Variants in GSAP observed in about 807,000 individuals in gnomAD.
The protein encoded by GSAP is gamma-secretase activating protein.
A neutral mutation model predicts 131.7 loss-of-function variants in GSAP; 118 were observed. The observed-to-expected ratio is 0.90, with a 90% CI of 0.77 to 1.04. The LOEUF (loss-of-function observed/expected upper bound fraction) is 1.04, where lower values mean the gene tolerates loss of function less well. Among genes scored for constraint, GSAP ranks in the 50% least tolerant of loss-of-function variants. The probability of loss-of-function intolerance (pLI) is 0.00; values close to 1 mark genes in which losing one functional copy is unlikely to be tolerated. For missense variants in GSAP, 1,019 were observed against 1,013.2 expected (o/e 1.01, Z -0.08); for synonymous variants, 381 against 363.4 (o/e 1.05, Z -0.55).
chr7:77,380,842 C>T (rs1797690828), intron 8 of GSAP, among the ~76,000 whole-genome samples: 1 of 152,082 alleles, frequency 6.6e-6, no homozygotes, highest in Non-Finnish European at 1.5e-5. Context: ...CATATACGTA[C>T]ATATGAAAAT....
chr7:77,399,296 G>C (rs953085203), intron 3 of GSAP, among the ~76,000 whole-genome samples: 3 of 152,174 alleles, frequency 2.0e-5, no homozygotes, highest in African/African-American at 7.2e-5. Flanking sequence ...GTATTGGCTT[G>C]ATCCAGAGCT....
At chr7:77,384,571 T>C (rs1483462621) in intron 6 of GSAP, among the ~76,000 whole-genome samples, 2 of 152,182 alleles carry the variant, frequency 1.3e-5, no homozygotes, top group Non-Finnish European at 1.5e-5. Flanking sequence ...TGGAGGTCTG[T>C]AGTCTCGGTG....
chr7:77,321,548 A>G, intron 24 of GSAP, 145 bp from the exon 25 acceptor site: 1 of 628,126 alleles, frequency 1.6e-6, no homozygotes, highest in African/African-American at 1.9e-5. Flanking sequence ...TTCTGAGGTC[A>G]ATTCTGAAGC....
chr7:77,330,142 G>A (rs1358414079), intron 20 of GSAP, 97 bp downstream of exon 20: 6 of 1,394,800 alleles, frequency 4.3e-6, no homozygotes, highest in Non-Finnish European at 5.8e-6. Flanking sequence ...TGGGAAGAGT[G>A]CTGCACATGG....
chr7:77,314,596 C>T, intron 26 of GSAP, 107 bp from the exon 27 acceptor site: 1 of 1,207,158 alleles, frequency 8.3e-7, no homozygotes, highest in Non-Finnish European at 1.2e-6. Flanking sequence ...GTGCTTGGTG[C>T]CTGGAACCAA....
At chr7:77,398,448 T>C (rs922114900) in intron 3 of GSAP, among the ~76,000 whole-genome samples, 1 of 152,192 alleles carries the variant, frequency 6.6e-6, no homozygotes, top group Non-Finnish European at 1.5e-5. Flanking sequence ...TTCTAAATTA[T>C]TACTAAGAAG....
At chr7:77,398,119 A>G (rs1486387171) in intron 3 of GSAP, among the ~76,000 whole-genome samples, 1 of 152,222 alleles carries the variant, frequency 6.6e-6, no homozygotes, top group Non-Finnish European at 1.5e-5. Flanking sequence ...CAGTTCTATT[A>G]GGCAGGCTCT....
chr7:77,382,854 T>G (rs191198917), intron 6 of GSAP, among the ~76,000 whole-genome samples: 1 of 152,080 alleles, frequency 6.6e-6, no homozygotes, highest in African/African-American at 2.4e-5. Context: ...CAGAGGGGAA[T>G]TGATCTCAAA....
At chr7:77,342,259 T>C (rs1791077090) in intron 19 of GSAP, among the ~76,000 whole-genome samples, 1 of 152,188 alleles carries the variant, frequency 6.6e-6, no homozygotes, top group Admixed American at 6.5e-5. Flanking sequence ...TGCCCCCTTC[T>C]TAATCAATAC....
rs1234685328 is a variant in GSAP, at chr7:77,396,982, CTGGT to C, written c.363_366del (p.Pro122AspfsTer5). On this transcript the variant is annotated frameshift_variant and splice_region_variant, in exon 5 of 31. Transcript: ENST00000257626. LOFTEE classifies it high-confidence loss of function. ...GTACTAAAAAGTGTAATTTCATTAC[CTGGT>C]TGAAGTTCGTTCCTTTTTCCTTCTT... is the stretch of plus-strand genomic sequence containing the variant. The C allele has an allele frequency of 1.0e-5, 16 of 1,580,828 alleles. No homozygotes were observed. Among genetic ancestry groups the C allele is most frequent in the Non-Finnish European group, 1.4e-5 (16 of 1,153,810 alleles).
intron 1 of GSAP, among the ~76,000 whole-genome samples, chr7:77,413,189 G>C (rs749384064): frequency 7.2e-5 from 11 of 152,232 alleles, no homozygotes; most frequent in Non-Finnish European, 1.0e-4. Flanking sequence ...AGTCCTGGTA[G>C]GTGAGAAGTC....
intron 5 of GSAP, among the ~76,000 whole-genome samples, chr7:77,394,892 C>A (rs1198937753): frequency 6.6e-6 from 1 of 152,202 alleles, no homozygotes; most frequent in Non-Finnish European, 1.5e-5. Flanking sequence ...TGAGGCAAGG[C>A]ACTGTCTCAC....
rs77347845 is a variant in GSAP at position 77,320,951 on chromosome 7, C to T, written c.1995-132G>A. 3.4e-3 allele frequency: 2,184 copies of T among 646,576 alleles called. 37 individuals are homozygous for T. The African/African-American group carries it at 0.036, about 11-fold the overall frequency. The allele number at this position is 646,576 out of a possible 1,614,324, so 40.1% of individuals were successfully genotyped here. ...TGAAATGCTATGCCTTGTAGAAAGC[C>T]CCATAAATATGAATGTGACCATCGG... On this transcript the variant is annotated intron_variant, in intron 25 of 30. Transcript: ENST00000257626.
Position 77,377,312 on chromosome 7 carries a change from G to T in GSAP, c.655C>A (p.Gln219Lys), listed in dbSNP as rs1163098467. The T allele has an allele frequency of 6.6e-7, 1 of 1,506,222 alleles. No individual in the cohort carries two copies. 93.3% of individuals were successfully genotyped at this position (1,506,222 alleles called of 1,614,324 possible). The change falls in exon 9 of 31, where the codon CAG becomes AAG. Residue 219 changes from glutamine to lysine, a missense_variant. By Grantham distance (53) the Gln-to-Lys change is moderately conservative. Coordinates refer to ENST00000257626, the MANE Select transcript of GSAP (RefSeq NM_017439.4). ...TTCAGGTCAATGTAATATAATCTCT[G>T]TTCTGACATATCCCACTGAGCCCAA... ...FVWAQWDMSE[Q>K]RLYYIDLKKS...
At chr7:77,381,214 A>T (rs765404720) in intron 8 of GSAP, 91 bp downstream of exon 8, 1 of 601,060 alleles carries the variant, frequency 1.7e-6, no homozygotes. Flanking sequence ...AAAACATTAT[A>T]TATCAATAAC....
At chr7:77,325,067 C>T (rs551841866) in intron 23 of GSAP, among the ~76,000 whole-genome samples, 12 of 152,182 alleles carry the variant, frequency 7.9e-5, no homozygotes, top group East Asian at 7.7e-4. Context: ...CCACCCACCT[C>T]GGCCTCCCAA....
Position 77,361,038 on chromosome 7 carries a change from A to C in GSAP, c.950-137T>G, listed in dbSNP as rs1584485245. The C allele has an allele frequency of 2.3e-5, 14 of 599,196 alleles. 1 individual carries two copies. The South Asian group carries it at 2.7e-4, about 11-fold the overall frequency. The allele number at this position is 599,196 out of a possible 1,614,324, so 37.1% of individuals were successfully genotyped here. ...AGGCATCTTCAGACTTCTAGATTTC[A>C]TGGTTCCCCTCATTCTCCAAAAACC... On this transcript the variant is annotated intron_variant, in intron 13 of 30. Coordinates refer to ENST00000257626, the MANE Select transcript of GSAP (RefSeq NM_017439.4).
chr7:77,404,676 A>G (rs1394724275), intron 2 of GSAP, 61 bp from the exon 3 acceptor site: 6 of 1,009,188 alleles, frequency 5.9e-6, no homozygotes, highest in Non-Finnish European at 9.3e-6. Context: ...GAATGTTACT[A>G]GTTTTAAAAC....
intron 19 of GSAP, among the ~76,000 whole-genome samples, chr7:77,341,050 A>G (rs552049318): frequency 3.3e-5 from 5 of 152,250 alleles, no homozygotes; most frequent in Admixed American, 1.3e-4. Context: ...CTTGGCCCCA[A>G]TACAAACTTG....
Sources: allele counts gnomAD v4.1 joint callset (sites outside exome capture counted in the v4.1 genomes callset), GRCh38; gene constraint gnomAD v4.1.1; transcripts MANE v1.5; gene names NCBI Gene and HGNC (gene_info 2026-07-23, HGNC 2026-07-21).